Variants in ADAMTS9 observed in about 807,000 individuals in gnomAD.
ADAMTS9 encodes the protein A disintegrin and metalloproteinase with thrombospondin motifs 9.
ADAMTS9 carries 107 observed loss-of-function variants against 257.1 expected under a neutral mutation model. That is an observed-to-expected ratio of 0.42 (90% CI 0.36 to 0.49). ADAMTS9 has a LOEUF of 0.49. ADAMTS9 is among the 20% of genes least tolerant of loss of function. The pLI is 0.03. For missense variants in ADAMTS9, 2,353 were observed against 2,469.1 expected (o/e 0.95, Z 1.00); for synonymous variants, 982 against 880.9 (o/e 1.11, Z -2.03).
chr3:64,518,493 C>A (rs938460136), intron 39 of ADAMTS9, among the ~76,000 whole-genome samples: 1 of 152,094 alleles, frequency 6.6e-6, no homozygotes, highest in African/African-American at 2.4e-5. Context: ...AGAAGAATCA[C>A]CTTCTGGCAT....
intron 3 of ADAMTS9, among the ~76,000 whole-genome samples, chr3:64,662,874 T>A (rs971736300): frequency 6.6e-6 from 1 of 152,070 alleles, no homozygotes; most frequent in African/African-American, 2.4e-5. Flanking sequence ...AAGTGGAAAA[T>A]TCCACACATA....
intron 28 of ADAMTS9, among the ~76,000 whole-genome samples, chr3:64,572,423 C>T (rs2083713056): frequency 6.6e-6 from 1 of 152,184 alleles, no homozygotes; most frequent in African/African-American, 2.4e-5. Flanking sequence ...AGAAGTAGCA[C>T]TGGATATGGT....
At chr3:64,660,115 A>C (rs1388042256) in intron 3 of ADAMTS9, among the ~76,000 whole-genome samples, 1 of 152,240 alleles carries the variant, frequency 6.6e-6, no homozygotes, top group Non-Finnish European at 1.5e-5. Flanking sequence ...TCATCAGTTA[A>C]CTTGACAATC....
chr3:64,566,587 A>C (rs1576030654), intron 29 of ADAMTS9, among the ~76,000 whole-genome samples: 2 of 152,342 alleles, frequency 1.3e-5, no homozygotes. Context: ...TCCCATCAAG[A>C]TCACATGATG....
At chr3:64,529,900 C>A (rs904422326) in intron 38 of ADAMTS9, among the ~76,000 whole-genome samples, 2 of 151,936 alleles carry the variant, frequency 1.3e-5, no homozygotes, top group African/African-American at 4.8e-5. Flanking sequence ...CTCATTGCAG[C>A]CTTGACCACC....
At chr3:64,556,601 G>T (rs1055186268) in intron 30 of ADAMTS9, among the ~76,000 whole-genome samples, 1 of 152,298 alleles carries the variant, frequency 6.6e-6, no homozygotes, top group South Asian at 2.1e-4. Flanking sequence ...GATTATAGGC[G>T]TGAGCCACTG....
intron 3 of ADAMTS9, among the ~76,000 whole-genome samples, chr3:64,677,283 A>G (rs1701644405): frequency 6.6e-6 from 1 of 152,202 alleles, no homozygotes; most frequent in Non-Finnish European, 1.5e-5. Flanking sequence ...AGAACTCACA[A>G]ATAGGATGAA....
intron 38 of ADAMTS9, among the ~76,000 whole-genome samples, chr3:64,530,526 TAAAA>T (rs55726329): frequency 0.021 from 2,479 of 116,588 alleles, 75 homozygotes; most frequent in African/African-American, 0.076. Context: ...CACCAAGATT[TAAAA>T]AAAAAAAAAA....
At chr3:64,537,669 G>C (rs185986530) in intron 37 of ADAMTS9, among the ~76,000 whole-genome samples, 1 of 152,176 alleles carries the variant, frequency 6.6e-6, no homozygotes, top group East Asian at 1.9e-4. Flanking sequence ...TGGAGACAGG[G>C]CTTGGGATTC....
In ADAMTS9 at chr3:64,561,712, C is replaced by A. The variant is rs201971866; in HGVS notation, c.4564G>T (p.Val1522Leu). ...TTGTGTGTTCCGATCTGACAGCCCA[C>A]ATGCCTCTGCTGTACGCCTCGGCCA... ...SCGRGVQQRHVGCQIGTHKIA... is the reference protein window; with the variant it reads ...SCGRGVQQRHLGCQIGTHKIA... Residue 1522 changes from valine (V) to leucine (L), a missense_variant, in exon 30 of 40, where the codon GTG becomes TTG. Coordinates refer to ENST00000498707, the MANE Select transcript of ADAMTS9 (RefSeq NM_182920.2). The A allele has an allele frequency of 2.1e-5, 34 of 1,612,856 alleles. No homozygotes were observed. The East Asian group carries it at 7.6e-4, about 36-fold the overall frequency.
chr3:64,652,011 C>A (rs1054378083), intron 8 of ADAMTS9, among the ~76,000 whole-genome samples: 3 of 152,192 alleles, frequency 2.0e-5, no homozygotes, highest in Admixed American at 1.3e-4. Context: ...GAAGTATTTC[C>A]TAAATCCAGA....
intron 38 of ADAMTS9, among the ~76,000 whole-genome samples, chr3:64,531,470 TAAAA>T: frequency 7.2e-6 from 1 of 139,546 alleles, no homozygotes; most frequent in South Asian, 2.3e-4. Context: ...ATTGTGTACT[TAAAA>T]AAAAAAAAAA....
At position 64,687,120 on chromosome 3, in the gene ADAMTS9, C is replaced by A; in HGVS notation, c.116-152G>T. 1 of 950,260 alleles carries A rather than the reference C, an allele frequency of 1.1e-6. No individual in the cohort carries two copies. Among genetic ancestry groups the A allele is most frequent in the Non-Finnish European group, 1.5e-6 (1 of 649,980 alleles). 58.9% of individuals were successfully genotyped at this position (950,260 alleles called of 1,614,324 possible). A position where few individuals can be genotyped will look rare whatever the true frequency, so the allele number is the denominator to read the frequency against. On this transcript the variant is annotated intron_variant, in intron 1 of 39. Transcript: ENST00000498707. The surrounding 1 kb of genome is among the most constrained non-coding windows in gnomAD (Gnocchi z 4.4). ...AATCAGTGGACAAATATTTGCTGAG[C>A]ACCTACTATGTGCCAGTAACAGGAC...
chr3:64,536,427 A>G (rs1269434558), intron 37 of ADAMTS9, among the ~76,000 whole-genome samples: 1 of 152,236 alleles, frequency 6.6e-6, no homozygotes, highest in Non-Finnish European at 1.5e-5. Flanking sequence ...ATTGAGAGTT[A>G]TACGTTTACT....
chr3:64,655,521 A>C, intron 6 of ADAMTS9, 55 bp downstream of exon 6: 1 of 1,416,888 alleles, frequency 7.1e-7, no homozygotes, highest in Non-Finnish European at 1.0e-6. Context: ...GCATGACCAC[A>C]TCCCATCAAC....
At chr3:64,618,958 A>G (rs1356476956) in intron 19 of ADAMTS9, among the ~76,000 whole-genome samples, 2 of 152,220 alleles carry the variant, frequency 1.3e-5, no homozygotes, top group Non-Finnish European at 2.9e-5. Flanking sequence ...AGCCAGCATC[A>G]TCACAAATTA....
chr3:64,619,324 T>C (rs1700047046), intron 19 of ADAMTS9, among the ~76,000 whole-genome samples: 1 of 152,166 alleles, frequency 6.6e-6, no homozygotes, highest in Non-Finnish European at 1.5e-5. Flanking sequence ...ATGGGAATTA[T>C]TTCTTTTCAC....
chr3:64,660,989 T>G (rs189370567), intron 3 of ADAMTS9, among the ~76,000 whole-genome samples: 8 of 152,278 alleles, frequency 5.3e-5, no homozygotes, highest in Admixed American at 1.3e-4. Context: ...TGGAAAGGCA[T>G]TAAATTTGTG....
chr3:64,620,821 C>T lies in ADAMTS9; in HGVS notation c.2813+293G>A, dbSNP rs80273994. On this transcript the variant is annotated intron_variant, in intron 19 of 39. Transcript: ENST00000498707. The stretch of plus-strand genomic sequence containing the variant: ...AAACAAGTTTTCACGTACAATGTGA[C>T]TCAATCATAATGCTAATACCTACCC... Among the ~76,000 whole-genome samples, 11 of 152,272 alleles carry T rather than the reference C, an allele frequency of 7.2e-5. No individual in the cohort carries two copies. The East Asian group carries it at 2.1e-3, about 29-fold the overall frequency.
Sources: gnomAD v4.1 joint callset for allele counts (sites outside exome capture counted in the v4.1 genomes callset) on GRCh38, gnomAD v4.1.1 for gene constraint, Gnocchi (gnomAD v3.1) non-coding constraint, MANE v1.5 for transcripts, NCBI Gene and HGNC (gene_info 2026-07-23, HGNC 2026-07-21) for gene names.